GPC6: variants seen among roughly 807,000 people sequenced by gnomAD.
The protein encoded by GPC6 is glypican-6.
GPC6 carries 14 observed loss-of-function variants against 55.2 expected under a neutral mutation model. The observed-to-expected ratio is 0.25, with a 90% CI of 0.17 to 0.40. The LOEUF (loss-of-function observed/expected upper bound fraction) is 0.40, where lower values mean the gene tolerates loss of function less well. Among genes scored for constraint, GPC6 ranks in the 10% least tolerant of loss-of-function variants. The pLI is 1.00. For synonymous variants in GPC6, 278 were observed against 259.6 expected (o/e 1.07, Z -0.68); for missense variants, 641 against 708.5 (o/e 0.90, Z 1.08).
intron 6 of GPC6, among the ~76,000 whole-genome samples, chr13:94,317,151 C>T (rs1471920667): frequency 6.6e-6 from 1 of 152,188 alleles, no homozygotes; most frequent in Admixed American, 6.5e-5. Flanking sequence ...TTGGCTTCTG[C>T]GTGGAATTAT....
intron 2 of GPC6, among the ~76,000 whole-genome samples, chr13:93,593,561 T>G (rs2139511712): frequency 6.6e-6 from 1 of 152,262 alleles, no homozygotes; most frequent in East Asian, 1.9e-4. Flanking sequence ...AGATCTAGTT[T>G]GATAAAAGTG....
intron 2 of GPC6, among the ~76,000 whole-genome samples, chr13:93,660,800 C>T (rs143876759): frequency 6.6e-6 from 1 of 152,184 alleles, no homozygotes; most frequent in African/African-American, 2.4e-5. Context: ...TTAATTTACA[C>T]TGGATCTTTA....
intron 1 of GPC6, among the ~76,000 whole-genome samples, chr13:93,410,396 C>A (rs1221101422): frequency 6.6e-6 from 1 of 152,096 alleles, no homozygotes; most frequent in Non-Finnish European, 1.5e-5. Flanking sequence ...AGTTGAAGAG[C>A]AGCTGGTAAA....
At chr13:93,254,769 A>C (rs975466234) in intron 1 of GPC6, among the ~76,000 whole-genome samples, 3 of 152,198 alleles carry the variant, frequency 2.0e-5, no homozygotes, top group Non-Finnish European at 4.4e-5. Context: ...TTCATCCTTT[A>C]AATAAAAGCC....
At chr13:93,853,572 A>G (rs892725697) in intron 3 of GPC6, among the ~76,000 whole-genome samples, 11 of 151,650 alleles carry the variant, frequency 7.3e-5, no homozygotes, top group African/African-American at 1.9e-4. Context: ...AGAAATAAAA[A>G]AAATATGAAT....
At chr13:93,784,260 A>G (rs1366987470) in intron 2 of GPC6, among the ~76,000 whole-genome samples, 1 of 152,208 alleles carries the variant, frequency 6.6e-6, no homozygotes, top group Non-Finnish European at 1.5e-5. Flanking sequence ...TAGAAATAGT[A>G]TCTTCCTGGA....
chr13:93,387,198 T>C (rs1875440713), intron 1 of GPC6, among the ~76,000 whole-genome samples: 1 of 151,860 alleles, frequency 6.6e-6, no homozygotes, highest in Admixed American at 6.6e-5. Flanking sequence ...GGGATACATA[T>C]GCAGACTGTG....
chr13:93,661,940 T>C (rs1234611101), intron 2 of GPC6, among the ~76,000 whole-genome samples: 1 of 152,178 alleles, frequency 6.6e-6, no homozygotes, highest in East Asian at 1.9e-4. Flanking sequence ...CCAGCTATTT[T>C]TCAATGAGAG....
At chr13:93,220,965 C>G in the GPC6 span, among the ~76,000 whole-genome samples, 33 of 152,266 alleles carry the variant, frequency 2.2e-4, no homozygotes, top group African/African-American at 7.9e-4. Flanking sequence ...TCACTGCACC[C>G]TTGACCTCCC....
At chr13:93,831,907 G>T (rs1203254967) in intron 3 of GPC6, among the ~76,000 whole-genome samples, 2 of 149,344 alleles carry the variant, frequency 1.3e-5, no homozygotes, top group African/African-American at 4.9e-5. Context: ...TGGCTAACAT[G>T]GTGAAACCCC....
chr13:93,830,624 A>AC, intron 3 of GPC6, 79 bp downstream of exon 3: 3 of 1,234,520 alleles, frequency 2.4e-6, no homozygotes, highest in South Asian at 1.4e-5. Context: ...AAAAAAAAAA[A>AC]AAAAAAAAAA....
chr13:93,483,513 A>G (rs987757950), intron 1 of GPC6, among the ~76,000 whole-genome samples: 1 of 152,114 alleles, frequency 6.6e-6, no homozygotes, highest in Non-Finnish European at 1.5e-5. Flanking sequence ...TCATCTATTC[A>G]ATTATATCTA....
chr13:93,395,549 A>G (rs955988661), intron 1 of GPC6: 4 of 173,148 alleles, frequency 2.3e-5, no homozygotes, highest in Non-Finnish European at 4.9e-5. Flanking sequence ...AACAACAAAT[A>G]TATTCTTCAC....
At chr13:94,335,890 C>A (rs1174172882) in intron 6 of GPC6, among the ~76,000 whole-genome samples, 1 of 130,324 alleles carries the variant, frequency 7.7e-6, no homozygotes. Flanking sequence ...GCTCTCTTCA[C>A]TGTTGTTGTG....
At chr13:94,115,771 C>G (rs2138846298) in intron 4 of GPC6, among the ~76,000 whole-genome samples, 1 of 152,260 alleles carries the variant, frequency 6.6e-6, no homozygotes, top group South Asian at 2.1e-4. Flanking sequence ...TTTCTACTTT[C>G]TTAAACTGTA....
At position 94,304,226 on chromosome 13, in the gene GPC6, G is replaced by C. The variant is rs770600866; in HGVS notation, c.1009-1754G>C. ...TCAATAGTGTGTTAAGACCAATCTC[G>C]AGGAATGCCAAGACAAAGTACCGCC... On this transcript the variant is annotated intron_variant, in intron 5 of 8. Transcript: ENST00000377047. Among the ~76,000 whole-genome samples the C allele has an allele frequency of 8.9e-4, 136 of 152,320 alleles. 1 individual carries two copies. The highest frequency in any genetic ancestry group is 1.0e-3 in the Non-Finnish European group (69 of 68,028).
At chr13:94,324,088 A>G (rs776748902) in intron 6 of GPC6, among the ~76,000 whole-genome samples, 1 of 152,230 alleles carries the variant, frequency 6.6e-6, no homozygotes, top group Non-Finnish European at 1.5e-5. Context: ...TAGCAAGATG[A>G]CAATGAAAAG....
chr13:94,123,000 G>A (rs753268885), intron 4 of GPC6, among the ~76,000 whole-genome samples: 1 of 152,050 alleles, frequency 6.6e-6, no homozygotes, highest in Non-Finnish European at 1.5e-5. Context: ...TTTGAATAAT[G>A]TATTGGCCCT....
At chr13:94,148,549 TTAAC>T (rs1476423233) in intron 4 of GPC6, among the ~76,000 whole-genome samples, 13 of 152,334 alleles carry the variant, frequency 8.5e-5, no homozygotes, top group African/African-American at 1.9e-4. Context: ...GCAATTTAAT[TTAAC>T]TGACAGATTT....
Sources: allele counts gnomAD v4.1 joint callset (sites outside exome capture counted in the v4.1 genomes callset), GRCh38; gene constraint gnomAD v4.1.1; transcripts MANE v1.5; gene names NCBI Gene and HGNC (gene_info 2026-07-23, HGNC 2026-07-21).